UBR1: variants seen among roughly 807,000 people sequenced by gnomAD.
UBR1 encodes the protein ubiquitin protein ligase E3 component n-recognin 1.
Under a neutral mutation model 242.1 loss-of-function variants are expected in UBR1, and 102 were observed. That is an observed-to-expected ratio of 0.42 (90% CI 0.36 to 0.50). The LOEUF is 0.50. Among genes scored for constraint, UBR1 ranks in the 20% least tolerant of loss-of-function variants. The pLI is 0.01. For synonymous variants in UBR1, 675 were observed against 684.8 expected (o/e 0.99, Z 0.22); for missense variants, 1,772 against 2,101.8 (o/e 0.84, Z 3.07).
intron 25 of UBR1, among the ~76,000 whole-genome samples, chr15:43,024,485 C>T (rs140919507): frequency 1.4e-3 from 209 of 152,262 alleles, no homozygotes; most frequent in African/African-American, 4.9e-3. Flanking sequence ...CCAAGACTGA[C>T]GTCTAGACCT....
chr15:43,087,512 T>G (rs991872500), intron 1 of UBR1, among the ~76,000 whole-genome samples: 1 of 152,200 alleles, frequency 6.6e-6, no homozygotes, highest in Non-Finnish European at 1.5e-5. Context: ...GCTTTTTTAG[T>G]TTGTACTAAT....
chr15:43,083,664 G>A (rs1287313439), intron 2 of UBR1, among the ~76,000 whole-genome samples: 1 of 152,002 alleles, frequency 6.6e-6, no homozygotes, highest in African/African-American at 2.4e-5. Context: ...TTACAGGCGT[G>A]AGCCTCTGCA....
intron 21 of UBR1, among the ~76,000 whole-genome samples, chr15:43,028,699 GGCACCACT>G (rs2033209765): frequency 6.7e-6 from 1 of 149,758 alleles, no homozygotes; most frequent in Non-Finnish European, 1.5e-5. Flanking sequence ...TAGCCAAGAT[GGCACCACT>G]GCACTCCAGC....
rs1167750935 is a variant in UBR1 at position 42,950,383 on chromosome 15, G to C, written c.5007-20C>G. On this transcript the variant is annotated intron_variant, in intron 45 of 46. Coordinates refer to ENST00000290650, the MANE Select transcript of UBR1 (RefSeq NM_174916.3). ...CTGATTCTGAAAGAGAAAATCAATA[G>C]GAAATATGGTTAAGTGTATGTGTGC... 1 of 1,607,468 alleles carries C rather than the reference G, an allele frequency of 6.2e-7. No individual in the cohort carries two copies.
chr15:43,058,971 T>A (rs2033650216), intron 9 of UBR1, 114 bp downstream of exon 9: 2 of 868,284 alleles, frequency 2.3e-6, no homozygotes, highest in Non-Finnish European at 3.8e-6. Context: ...ATCTTATCAA[T>A]CAAGATTACA....
chr15:43,009,038 G>A (rs755981583), intron 29 of UBR1, among the ~76,000 whole-genome samples: 6 of 152,170 alleles, frequency 3.9e-5, no homozygotes, highest in East Asian at 1.9e-4. Flanking sequence ...ACAAGAACTC[G>A]GGAACCACCA....
intron 2 of UBR1, among the ~76,000 whole-genome samples, chr15:43,085,375 G>C (rs1301408366): frequency 6.6e-6 from 1 of 152,194 alleles, no homozygotes; most frequent in Non-Finnish European, 1.5e-5. Flanking sequence ...GATATATTAT[G>C]AACAAGGCAA....
intron 1 of UBR1, among the ~76,000 whole-genome samples, chr15:43,099,085 C>T (rs1314370615): frequency 6.6e-6 from 1 of 152,068 alleles, no homozygotes; most frequent in African/African-American, 2.4e-5. Context: ...ATCTGTAATC[C>T]CAGCACTTTG....
intron 6 of UBR1, among the ~76,000 whole-genome samples, chr15:43,062,990 C>G (rs1455784235): frequency 1.3e-5 from 2 of 152,124 alleles, no homozygotes; most frequent in Non-Finnish European, 2.9e-5. Flanking sequence ...AAGTGTGTAT[C>G]TTTAAGGGTT....
chr15:43,104,107 T>C (rs1025616054), intron 1 of UBR1, among the ~76,000 whole-genome samples: 16 of 152,168 alleles, frequency 1.1e-4, no homozygotes, highest in African/African-American at 3.9e-4. Flanking sequence ...GTGAGTTCCT[T>C]GAGGCTATAT....
chr15:43,077,519 C>T (rs1428420934), intron 3 of UBR1, among the ~76,000 whole-genome samples: 1 of 151,036 alleles, frequency 6.6e-6, no homozygotes, highest in Non-Finnish European at 1.5e-5. Context: ...TGCGGAAGGC[C>T]GCAGGGTCCT....
At chr15:43,040,393 C>T (rs946900085) in intron 15 of UBR1, among the ~76,000 whole-genome samples, 34 of 152,074 alleles carry the variant, frequency 2.2e-4, no homozygotes, top group Non-Finnish European at 1.3e-4. Flanking sequence ...AACTGGCTAG[C>T]CATATGTAGA....
At position 43,033,382 on chromosome 15, in the gene UBR1, G is replaced by A. The variant is rs190278011; in HGVS notation, c.2191-751C>T. 6.4e-3 allele frequency among the ~76,000 whole-genome samples: 965 copies of A among 151,716 alleles called. 12 individuals are homozygous for A. Among genetic ancestry groups the A allele is most frequent in the African/African-American group, 0.022 (922 of 41,404 alleles). Reference sequence around the variant, plus strand: ...AAAACTTAGCCAGGCGTGGTGGTGCGCCCCTGTAATCCCAGCAATTTGGGA... The same window carrying A: ...AAAACTTAGCCAGGCGTGGTGGTGCACCCCTGTAATCCCAGCAATTTGGGA... On this transcript the variant is annotated intron_variant, in intron 19 of 46. Transcript: ENST00000290650.
chr15:43,088,807 C>T (rs2034069631), intron 1 of UBR1, among the ~76,000 whole-genome samples: 1 of 151,204 alleles, frequency 6.6e-6, no homozygotes, highest in South Asian at 2.1e-4. Flanking sequence ...CATTGTTTGA[C>T]TTTGTTAGAC....
rs1011146192 is a variant in UBR1 at position 43,054,984 on chromosome 15, A to G, written c.1282-85T>C. On this transcript the variant is annotated intron_variant, in intron 11 of 46. Transcript: ENST00000290650. ...TTATTCATTCATTTGGTTAGTCAGT[A>G]TGTCATTTTTAATAAATGTTTGTTA... is the stretch of plus-strand genomic sequence containing the variant. The G allele has an allele frequency of 3.5e-6, 5 of 1,438,338 alleles. No homozygotes were observed. In the African/African-American group the frequency reaches 5.6e-5, roughly 16 times the overall value. The allele number at this position is 1,438,338 out of a possible 1,614,324, so 89.1% of individuals were successfully genotyped here.
intron 35 of UBR1, 126 bp from the exon 36 acceptor site, chr15:42,985,068 G>C (rs2032438703): frequency 1.2e-6 from 1 of 824,210 alleles, no homozygotes; most frequent in South Asian, 2.4e-5. Flanking sequence ...CCCCTTCAAA[G>C]TCTTGTGTTT....
intron 15 of UBR1, among the ~76,000 whole-genome samples, chr15:43,042,611 A>T (rs575968307): frequency 1.3e-5 from 2 of 152,282 alleles, no homozygotes; most frequent in South Asian, 4.1e-4. Context: ...TTAGAAGATA[A>T]AAAGCTTTTG....
intron 27 of UBR1, among the ~76,000 whole-genome samples, chr15:43,017,749 G>A (rs1485378077): frequency 6.6e-6 from 1 of 151,358 alleles, no homozygotes; most frequent in Non-Finnish European, 1.5e-5. Flanking sequence ...AGTGAAGGTT[G>A]CAGTGAGCTG....
intron 12 of UBR1, among the ~76,000 whole-genome samples, chr15:43,049,852 A>T (rs764478070): frequency 6.6e-6 from 1 of 152,228 alleles, no homozygotes; most frequent in Non-Finnish European, 1.5e-5. Flanking sequence ...ACTACTACTC[A>T]AAGTGTGGTC....
Sources: allele counts gnomAD v4.1 joint callset (sites outside exome capture counted in the v4.1 genomes callset), GRCh38; gene constraint gnomAD v4.1.1; transcripts MANE v1.5; gene names NCBI Gene and HGNC (gene_info 2026-07-23, HGNC 2026-07-21).